CECR2: variants seen among roughly 807,000 people sequenced by gnomAD.
The protein encoded by CECR2 is CECR2 histone acetyl-lysine reader.
In CECR2, 30 loss-of-function variants were observed where a neutral mutation model predicts 154.5. The ratio of observed to expected loss-of-function variants is 0.19; its 90% CI spans 0.15 to 0.26. The LOEUF is 0.26. Among genes scored for constraint, CECR2 ranks in the 10% least tolerant of loss-of-function variants. CECR2 has a pLI of 1.00. For synonymous variants in CECR2, 725 were observed against 683.7 expected, an observed-to-expected ratio of 1.06 and a Z score of -0.94; for missense variants, 1,743 against 1,829.3, an observed-to-expected ratio of 0.95 and a Z score of 0.86.
intron 1 of CECR2, among the ~76,000 whole-genome samples, chr22:17,474,750 A>C (rs2055181518): frequency 6.6e-6 from 1 of 152,194 alleles, no homozygotes; most frequent in African/African-American, 2.4e-5. Flanking sequence ...TGCCACATGA[A>C]CCATACGGCA....
At chr22:17,443,285 T>C (rs1407156302) in intron 1 of CECR2, among the ~76,000 whole-genome samples, 2 of 152,236 alleles carry the variant, frequency 1.3e-5, no homozygotes, top group Admixed American at 6.5e-5. Context: ...TAACAGTCAA[T>C]AATGTTGCTC....
At chr22:17,407,900 C>T (rs756763575) in intron 1 of CECR2, among the ~76,000 whole-genome samples, 17 of 152,162 alleles carry the variant, frequency 1.1e-4, no homozygotes, top group Non-Finnish European at 1.8e-4. Flanking sequence ...GATTGAGAAA[C>T]GCTGGTCTGA....
Position 17,539,040 on chromosome 22 carries a change from A to T in CECR2, c.1416A>T (p.Leu472Phe). 1 of 1,613,878 alleles carries T rather than the reference A, an allele frequency of 6.2e-7. No homozygotes were observed. The highest frequency in any genetic ancestry group is 8.5e-7 in the Non-Finnish European group (1 of 1,179,778). ...TGGAGAAGAAACTGAATGGAGGTTT[A>T]TACTGTACCAAGGAGGAATTTGTAA... is the stretch of plus-strand genomic sequence containing the variant. Reference protein sequence around the residue: ...SSMEKKLNGGLYCTKEEFVND... With the variant: ...SSMEKKLNGGFYCTKEEFVND... The change falls in exon 13 of 19, where the codon TTA becomes TTT. Residue 472 changes from leucine (L) to phenylalanine (F), a missense_variant. By Grantham distance (22) the Leu-to-Phe change is conservative. Coordinates refer to ENST00000262608, the MANE Select transcript of CECR2 (RefSeq NM_001290047.2).
At chr22:17,497,992 T>C (rs1296748) in intron 3 of CECR2, among the ~76,000 whole-genome samples, 127,545 of 152,202 alleles carry the variant, frequency 0.84, 53,549 homozygotes, top group East Asian at 1. Context: ...ACCGTATATG[T>C]TAGTGAAGGT....
chr22:17,373,158 G>A (rs1223076116), intron 1 of CECR2, among the ~76,000 whole-genome samples: 1 of 152,092 alleles, frequency 6.6e-6, no homozygotes, highest in Non-Finnish European at 1.5e-5. Flanking sequence ...CACTTCCCAG[G>A]TTCAGGTGAT....
intron 3 of CECR2, 41 bp downstream of exon 3, chr22:17,497,627 G>A (rs750026853): frequency 5.6e-6 from 9 of 1,593,858 alleles, no homozygotes; most frequent in Non-Finnish European, 6.9e-6. Flanking sequence ...GCTGTGAAAA[G>A]CCAGCAATCA....
intron 8 of CECR2, among the ~76,000 whole-genome samples, chr22:17,518,189 G>T (rs982796971): frequency 5.9e-5 from 9 of 152,208 alleles, no homozygotes; most frequent in Admixed American, 1.3e-4. Flanking sequence ...AGGAGAGAGA[G>T]CCATTCTGAG....
At chr22:17,466,054 C>T (rs1414551091) in intron 1 of CECR2, among the ~76,000 whole-genome samples, 5 of 152,060 alleles carry the variant, frequency 3.3e-5, no homozygotes, top group African/African-American at 7.2e-5. Context: ...CAGAGTCTTG[C>T]GCCATCACGC....
At chr22:17,417,245 C>T (rs2054170234) in intron 1 of CECR2, among the ~76,000 whole-genome samples, 1 of 152,114 alleles carries the variant, frequency 6.6e-6, no homozygotes, top group Non-Finnish European at 1.5e-5. Flanking sequence ...GTGGCACTAT[C>T]TTTATAACAA....
At chr22:17,366,927 G>GA (rs1014474642), upstream of CECR2, among the ~76,000 whole-genome samples, 15 of 152,226 alleles carry the variant, frequency 9.9e-5, no homozygotes, top group Non-Finnish European at 1.6e-4. Flanking sequence ...AGGAACTAGG[G>GA]AAAAAACTGT....
At chr22:17,501,540 A>C (rs529084545) in intron 5 of CECR2, among the ~76,000 whole-genome samples, 62 of 152,178 alleles carry the variant, frequency 4.1e-4, no homozygotes, top group Non-Finnish European at 7.4e-4. Context: ...CCTGGGCGAC[A>C]CAGCGATACT....
chr22:17,512,459 T>G (rs2055974525), intron 8 of CECR2, among the ~76,000 whole-genome samples: 1 of 151,936 alleles, frequency 6.6e-6, no homozygotes, highest in Non-Finnish European at 1.5e-5. Flanking sequence ...TCCGAGCACT[T>G]TAAGAGGCCA....
chr22:17,470,828 AGT>A (rs2055114999), intron 1 of CECR2, among the ~76,000 whole-genome samples: 1 of 152,180 alleles, frequency 6.6e-6, no homozygotes, highest in African/African-American at 2.4e-5. Context: ...CCTAACTAAC[AGT>A]GTGTTCTGCA....
intron 16 of CECR2, among the ~76,000 whole-genome samples, chr22:17,546,872 C>G (rs2056622317): frequency 6.6e-6 from 1 of 151,666 alleles, no homozygotes; most frequent in African/African-American, 2.4e-5. Context: ...AATCTTGTCT[C>G]TACTAAAAAT....
intron 7 of CECR2, among the ~76,000 whole-genome samples, chr22:17,508,700 T>C (rs757916954): frequency 6.6e-6 from 1 of 152,098 alleles, no homozygotes; most frequent in Non-Finnish European, 1.5e-5. Flanking sequence ...CCTAGCTGTG[T>C]AGTAGGCTAT....
chr22:17,376,520 C>T (rs761956254), intron 1 of CECR2, among the ~76,000 whole-genome samples: 10 of 152,048 alleles, frequency 6.6e-5, no homozygotes, highest in East Asian at 3.8e-4. Flanking sequence ...TGGCAGAGTG[C>T]GGAAAACTGC....
intron 1 of CECR2, among the ~76,000 whole-genome samples, chr22:17,388,482 C>A (rs1269186578): frequency 6.6e-6 from 1 of 152,110 alleles, no homozygotes; most frequent in Non-Finnish European, 1.5e-5. Context: ...CGGCAGACTT[C>A]AGGAAAATGC....
intron 16 of CECR2, among the ~76,000 whole-genome samples, chr22:17,547,653 C>T (rs574592359): frequency 6.0e-4 from 91 of 152,324 alleles, no homozygotes; most frequent in Non-Finnish European, 1.0e-3. Flanking sequence ...GACAGTGAGA[C>T]GGAGAAGTCC....
At chr22:17,489,827 T>A (rs906092140) in intron 2 of CECR2, among the ~76,000 whole-genome samples, 4 of 152,098 alleles carry the variant, frequency 2.6e-5, no homozygotes, top group African/African-American at 9.7e-5. Context: ...TTTGCTTTTT[T>A]ATTTTATTGA....
Sources: gnomAD v4.1 joint callset for allele counts (sites outside exome capture counted in the v4.1 genomes callset) on GRCh38, gnomAD v4.1.1 for gene constraint, MANE v1.5 for transcripts, NCBI Gene and HGNC (gene_info 2026-07-23, HGNC 2026-07-21) for gene names.